Variants in CEP83 observed in about 807,000 individuals in gnomAD.
The protein encoded by CEP83 is centrosomal protein 83.
A neutral mutation model predicts 101.9 loss-of-function variants in CEP83; 70 were observed. The ratio of observed to expected loss-of-function variants is 0.69; its 90% CI spans 0.57 to 0.84. The LOEUF (loss-of-function observed/expected upper bound fraction) is 0.84. CEP83 is among the 40% of genes least tolerant of loss of function. The pLI, the probability that CEP83 is intolerant of heterozygous loss-of-function variation, is 0.00. For synonymous variants in CEP83, 264 were observed against 267.9 expected, an observed-to-expected ratio of 0.99 and a Z score of 0.14; for missense variants, 715 against 787.2, an observed-to-expected ratio of 0.91 and a Z score of 1.10.
chr12:94,359,103 G>C (rs1231614445), intron 11 of CEP83, among the ~76,000 whole-genome samples: 1 of 152,230 alleles, frequency 6.6e-6, no homozygotes, highest in Non-Finnish European at 1.5e-5. Flanking sequence ...GATACTTTTA[G>C]TTAATTTAAT....
At chr12:94,306,237 AG>A (rs1281472227), downstream of CEP83, 1 of 151,882 alleles carries the variant, frequency 6.6e-6, no homozygotes, top group African/African-American at 2.4e-5. Flanking sequence ...AAAAAAAAAA[AG>A]ATACATTTTA....
intron 6 of CEP83, among the ~76,000 whole-genome samples, chr12:94,395,389 A>G (rs1018109501): frequency 2.0e-5 from 3 of 151,806 alleles, no homozygotes; most frequent in Non-Finnish European, 4.4e-5. Context: ...AATAATCACT[A>G]TTATGATGAG....
chr12:94,434,431 AG>A (rs1305916097), intron 2 of CEP83, among the ~76,000 whole-genome samples: 1 of 152,250 alleles, frequency 6.6e-6, no homozygotes, highest in African/African-American at 2.4e-5. Context: ...AAATTATCTT[AG>A]AAAATATTTT....
rs1304692759 is a variant in CEP83, at chr12:94,375,804, A to G, written c.933+82T>C. ...TATAATAAAACATTTCAGTATAAAG[A>G]AATCAATTATTAAAAATAAAATTTA... On this transcript the variant is annotated intron_variant, in intron 8 of 16. Transcript: ENST00000397809. 8.5e-6 allele frequency: 6 copies of G among 707,090 alleles called. 1 individual carries two copies. In the East Asian group the frequency reaches 1.9e-4, roughly 23 times the overall value. The allele number at this position is 707,090 out of a possible 1,614,324, so 43.8% of individuals were successfully genotyped here. A position where few individuals can be genotyped will look rare whatever the true frequency, so the allele number is the denominator to read the frequency against.
chr12:94,298,822 T>C, the CEP83 span: 1 of 1,592,110 alleles, frequency 6.3e-7, no homozygotes, highest in South Asian at 1.1e-5. Flanking sequence ...TTAGTGACTG[T>C]TTTCAAGAAT....
chr12:94,411,849 T>C lies in CEP83; in HGVS notation c.174-2A>G. The C allele has an allele frequency of 2.5e-6, 4 of 1,607,524 alleles. No homozygotes were observed. The highest frequency in any genetic ancestry group is 3.4e-6 in the Non-Finnish European group (4 of 1,178,020). On this transcript the variant is annotated splice_acceptor_variant, in intron 3 of 16. Coordinates refer to ENST00000397809, the MANE Select transcript of CEP83 (RefSeq NM_016122.3). LOFTEE classifies it high-confidence loss of function. ...AACTTTACATGTTCATTCTGCAACC[T>C]GGTTTTTTTTAAAGAGAATTCAATT...
At chr12:94,452,193 T>A (rs139956389) in intron 1 of CEP83, among the ~76,000 whole-genome samples, 1 of 152,118 alleles carries the variant, frequency 6.6e-6, no homozygotes, top group East Asian at 1.9e-4. Flanking sequence ...GGGAAGGAGT[T>A]ACCTTAAATG....
intron 4 of CEP83, among the ~76,000 whole-genome samples, chr12:94,405,765 C>T (rs954599581): frequency 1.3e-5 from 2 of 152,132 alleles, no homozygotes; most frequent in East Asian, 3.9e-4. Context: ...GATACCTATG[C>T]AGTCATGAGG....
chr12:94,343,101 GTATAT>G (rs2136646175), intron 11 of CEP83, among the ~76,000 whole-genome samples: 1 of 149,840 alleles, frequency 6.7e-6, no homozygotes, highest in African/African-American at 2.5e-5. Context: ...GTGTGTGTAT[GTATAT>G]ATATATAGAA....
intron 4 of CEP83, among the ~76,000 whole-genome samples, chr12:94,405,848 G>A (rs914803916): frequency 2.0e-5 from 3 of 152,180 alleles, no homozygotes; most frequent in African/African-American, 7.2e-5. Context: ...AGACAGGGTA[G>A]CAGAGAAAAG....
At chr12:94,460,399 A>G (rs1413521851), upstream of CEP83, 1 of 152,046 alleles carries the variant, frequency 6.6e-6, no homozygotes, top group Non-Finnish European at 1.5e-5. Flanking sequence ...GGGTGCAGAT[A>G]TGCGCTCCCG....
At chr12:94,385,359 T>C (rs1011987704) in intron 6 of CEP83, among the ~76,000 whole-genome samples, 1 of 152,162 alleles carries the variant, frequency 6.6e-6, no homozygotes, top group Non-Finnish European at 1.5e-5. Context: ...TCCTCTGACA[T>C]GACCCAGGAT....
chr12:94,380,454 T>C (rs909359638), intron 6 of CEP83, among the ~76,000 whole-genome samples: 34 of 152,272 alleles, frequency 2.2e-4, no homozygotes, highest in African/African-American at 8.2e-4. Flanking sequence ...AACTAATTAG[T>C]ATTTCTCTCC....
chr12:94,345,192 T>G (rs2059874589), intron 11 of CEP83, among the ~76,000 whole-genome samples: 1 of 152,180 alleles, frequency 6.6e-6, no homozygotes, highest in Non-Finnish European at 1.5e-5. Flanking sequence ...ACAAATATCT[T>G]TTTAACACAG....
intron 6 of CEP83, among the ~76,000 whole-genome samples, chr12:94,391,994 T>C (rs139931092): frequency 0.069 from 10,561 of 152,072 alleles, 459 homozygotes; most frequent in Admixed American, 0.093. Context: ...ATAAAGTAAG[T>C]CCTTAGAGAC....
Position 94,396,509 on chromosome 12 carries a change from C to T in CEP83, c.549+4341G>A, listed in dbSNP as rs1286974957. 2.6e-5 allele frequency among the ~76,000 whole-genome samples: 4 copies of T among 151,756 alleles called. 1 individual carries two copies. Among genetic ancestry groups the T allele is most frequent in the South Asian group, 4.2e-4 (2 of 4,814 alleles). On this transcript the variant is annotated intron_variant, in intron 6 of 16. Coordinates refer to ENST00000397809, the MANE Select transcript of CEP83 (RefSeq NM_016122.3). ...TTCACTGTGTTAGCCAGGATGGTCT[C>T]GATCTCCTGACCCCGTGATCCACCC...
chr12:94,424,764 C>G (rs1043769236), intron 2 of CEP83: 2 of 1,611,824 alleles, frequency 1.2e-6, no homozygotes, highest in Non-Finnish European at 1.7e-6. Context: ...AGATCTTGGT[C>G]AGTAGTGCCT....
At chr12:94,451,275 C>T (rs557057620) in intron 1 of CEP83, among the ~76,000 whole-genome samples, 2 of 152,112 alleles carry the variant, frequency 1.3e-5, no homozygotes, top group Admixed American at 6.5e-5. Context: ...GTATACATAA[C>T]ATGAAAGTAC....
intron 11 of CEP83, among the ~76,000 whole-genome samples, chr12:94,358,972 G>A (rs555327000): frequency 3.9e-5 from 6 of 152,364 alleles, no homozygotes; most frequent in East Asian, 1.9e-4. Context: ...TACCTGGCCC[G>A]CCCAGGGCAG....
Sources: allele counts gnomAD v4.1 joint callset (sites outside exome capture counted in the v4.1 genomes callset), GRCh38; gene constraint gnomAD v4.1.1; transcripts MANE v1.5; gene names NCBI Gene and HGNC (gene_info 2026-07-23, HGNC 2026-07-21).